PRSS38: variants seen among roughly 807,000 people sequenced by gnomAD.
The protein encoded by PRSS38 is marapsin 2.
Under a neutral mutation model 26.8 loss-of-function variants are expected in PRSS38, and 22 were observed. That is an observed-to-expected ratio of 0.82 (90% CI 0.59 to 1.17). The LOEUF (loss-of-function observed/expected upper bound fraction) is 1.17. Among genes scored for constraint, PRSS38 ranks in the 50% most tolerant of loss-of-function variants. The pLI is 0.00. For missense variants in PRSS38, 427 were observed against 422.7 expected (o/e 1.01, Z -0.09); for synonymous variants, 175 against 172.1 (o/e 1.02, Z -0.13).
At position 227,817,469 on chromosome 1, in the gene PRSS38, T is replaced by A. The variant is rs368151157; in HGVS notation, c.572T>A (p.Val191Asp). 5.0e-6 allele frequency: 8 copies of A among 1,614,020 alleles called. No homozygotes were observed. In the African/African-American group the frequency reaches 1.1e-4, roughly 22 times the overall value. Residue 191 changes from valine (V) to aspartate (D), a missense_variant, in exon 3 of 5, where the codon GTC becomes GAC. Coordinates refer to ENST00000366757, the Ensembl canonical transcript of PRSS38. ...TGCTGGGCTACGGGATGGGGACTAG[T>A]CTCAAAACAAGGTAGGAATACAGTG...
chr1:227,839,609 G>A (rs12565154), intron 3 of PRSS38, among the ~76,000 whole-genome samples: 26,101 of 152,192 alleles, frequency 0.17, 4,223 homozygotes, highest in African/African-American at 0.43. Context: ...TTGAGGGCTT[G>A]GTGGTCTTTT....
intron 3 of PRSS38, among the ~76,000 whole-genome samples, chr1:227,831,791 G>A (rs1329805858): frequency 6.6e-6 from 1 of 152,130 alleles, no homozygotes; most frequent in Non-Finnish European, 1.5e-5. Flanking sequence ...GGCAGAGGTT[G>A]CAGTGAGCCA....
chr1:227,846,102 T>C (rs1392452073), exon 5 of PRSS38: 3 of 1,614,186 alleles, frequency 1.9e-6, no homozygotes, highest in Admixed American at 1.7e-5. Context: ...TGTGATAACA[T>C]AGAAATCACG....
At chr1:227,838,459 T>C (rs1474610872) in intron 3 of PRSS38, among the ~76,000 whole-genome samples, 1 of 152,200 alleles carries the variant, frequency 6.6e-6, no homozygotes, top group Non-Finnish European at 1.5e-5. Context: ...ATGGGCGCTC[T>C]GGAGCCTTTG....
chr1:227,846,285 C>G, exon 5 of PRSS38: 1 of 1,556,918 alleles, frequency 6.4e-7, no homozygotes. Flanking sequence ...CCCTAAGCAT[C>G]TCCTGTCCTG....
exon 5 of PRSS38, chr1:227,846,119 C>G: frequency 6.2e-7 from 1 of 1,614,148 alleles, no homozygotes; most frequent in Non-Finnish European, 8.5e-7. Flanking sequence ...CACGCCCACT[C>G]CTGCTCAGCC....
chr1:227,845,773 C>T (rs1027083236), intron 4 of PRSS38, among the ~76,000 whole-genome samples, 161 bp downstream of exon 4: 9 of 152,198 alleles, frequency 5.9e-5, no homozygotes, highest in Admixed American at 2.6e-4. Context: ...CGCATGCCTG[C>T]AGCAGGCCTC....
chr1:227,827,576 TC>T (rs1237650147), intron 3 of PRSS38, among the ~76,000 whole-genome samples: 1 of 152,070 alleles, frequency 6.6e-6, no homozygotes, highest in Non-Finnish European at 1.5e-5. Context: ...GATTCTTCTC[TC>T]TTTTCTTCTT....
rs914712165 is a variant in PRSS38 at position 227,819,156 on chromosome 1, C to T, written c.583+1676C>T. Among the ~76,000 whole-genome samples the T allele has an allele frequency of 2.0e-5, 3 of 152,078 alleles. No homozygotes were observed. The East Asian group carries it at 5.8e-4, about 29-fold the overall frequency. The stretch of plus-strand genomic sequence containing the variant: ...CTATTGCCTTTTTTATATAAAACTA[C>T]CTGCTACAGATTTTGCATTGGTGTA... On this transcript the variant is annotated intron_variant, in intron 3 of 4. Transcript: ENST00000366757.
At chr1:227,830,724 C>T (rs915441702) in intron 3 of PRSS38, among the ~76,000 whole-genome samples, 4 of 151,760 alleles carry the variant, frequency 2.6e-5, no homozygotes, top group Non-Finnish European at 1.5e-5. Flanking sequence ...AGGCTGGTCT[C>T]GAACTCGTGG....
At chr1:227,821,059 C>A (rs1170859889) in intron 3 of PRSS38, among the ~76,000 whole-genome samples, 1 of 152,000 alleles carries the variant, frequency 6.6e-6, no homozygotes, top group Non-Finnish European at 1.5e-5. Flanking sequence ...AATCCTGTTG[C>A]AGATAAAAAG....
In PRSS38 at chr1:227,845,639, G is replaced by A. The variant is rs1245903408; in HGVS notation, c.726+27G>A. ...TGTGCCCCTCCTGGTCCATGAGACA[G>A]AGGTCATGGGTGCCCTGTGCCTGTG... On this transcript the variant is annotated intron_variant, in intron 4 of 4. Coordinates refer to ENST00000366757, the Ensembl canonical transcript of PRSS38. 3 of 1,604,234 alleles carry A rather than the reference G, an allele frequency of 1.9e-6. No homozygotes were observed. In the East Asian group the frequency reaches 6.7e-5, roughly 36 times the overall value.
chr1:227,826,524 G>A (rs1665076832), intron 3 of PRSS38, among the ~76,000 whole-genome samples: 1 of 152,128 alleles, frequency 6.6e-6, no homozygotes, highest in Admixed American at 6.6e-5. Context: ...GAGCAGCCTG[G>A]CCCAACACGG....
chr1:227,833,414 C>CTACTTGGGA (rs1665185556), intron 3 of PRSS38, among the ~76,000 whole-genome samples: 1 of 151,980 alleles, frequency 6.6e-6, no homozygotes, highest in Non-Finnish European at 1.5e-5. Context: ...GTAATCCCAG[C>CTACTTGGGA]TACTTGGGAG....
intron 3 of PRSS38, among the ~76,000 whole-genome samples, chr1:227,835,469 G>A (rs1665224829): frequency 6.6e-6 from 1 of 152,100 alleles, no homozygotes; most frequent in Non-Finnish European, 1.5e-5. Context: ...CCACTCCTAG[G>A]TATGTACTCA....
Position 227,816,325 on chromosome 1 carries a change from C to G in PRSS38, c.311+73C>G. ...GAGTGCCCACAGCGGCTTGGATGGA[C>G]CCCACGCAAGCCTCCCCCATCACCA... On this transcript the variant is annotated intron_variant, in intron 2 of 4. Transcript: ENST00000366757. The surrounding 1 kb of genome is among the most constrained non-coding windows in gnomAD (Gnocchi z 5.1). 3 of 1,461,912 alleles carry G rather than the reference C, an allele frequency of 2.1e-6. No homozygotes were observed. The highest frequency in any genetic ancestry group is 1.9e-6 in the Non-Finnish European group (2 of 1,068,552). The allele number at this position is 1,461,912 out of a possible 1,614,324, so 90.6% of individuals were successfully genotyped here.
intron 3 of PRSS38, among the ~76,000 whole-genome samples, chr1:227,821,275 A>T (rs911517176): frequency 9.9e-5 from 15 of 151,934 alleles, no homozygotes; most frequent in African/African-American, 3.6e-4. Context: ...TTTTTAATCC[A>T]GTCTATCATT....
At chr1:227,819,305 T>G (rs1664968640) in intron 3 of PRSS38, among the ~76,000 whole-genome samples, 1 of 152,222 alleles carries the variant, frequency 6.6e-6, no homozygotes, top group Non-Finnish European at 1.5e-5. Flanking sequence ...TTTTCTAATT[T>G]TTTGAGCTGA....
intron 3 of PRSS38, among the ~76,000 whole-genome samples, chr1:227,836,894 T>C (rs907711409): frequency 6.6e-6 from 1 of 152,214 alleles, no homozygotes; most frequent in Admixed American, 6.5e-5. Context: ...CTTGTAACAT[T>C]GGAGTTACAA....
Sources: gnomAD v4.1 joint callset for allele counts (sites outside exome capture counted in the v4.1 genomes callset) on GRCh38, gnomAD v4.1.1 for gene constraint, Gnocchi (gnomAD v3.1) non-coding constraint, MANE v1.5 for transcripts, NCBI Gene and HGNC (gene_info 2026-07-23, HGNC 2026-07-21) for gene names.